AXDND1: variants seen among roughly 807,000 people sequenced by gnomAD.
AXDND1 encodes axonemal dynein light chain domain-containing protein 1.
A neutral mutation model predicts 137.5 loss-of-function variants in AXDND1; 110 were observed. That is an observed-to-expected ratio of 0.80 (90% CI 0.69 to 0.94). AXDND1 has a LOEUF of 0.94. Ranked by LOEUF, AXDND1 falls within the 40% of genes least tolerant of loss-of-function variation. The pLI, the probability that AXDND1 is intolerant of heterozygous loss-of-function variation, is 0.00. For synonymous variants in AXDND1, 414 were observed against 399.7 expected, an observed-to-expected ratio of 1.04 and a Z score of -0.43; for missense variants, 1,191 against 1,169.8, an observed-to-expected ratio of 1.02 and a Z score of -0.26.
At position 179,551,460 on chromosome 1, in the gene AXDND1, CAT is replaced by C. The variant is rs774075788; in HGVS notation, c.3032-3051_3032-3050del. The stretch of plus-strand genomic sequence containing the variant: ...GCTTCTGCAGCAATCATCTAGAAAA[CAT>C]GTGACGAAAGCAAAGTGATTGTTCT... On this transcript the variant is annotated intron_variant, in intron 25 of 25. Transcript: ENST00000367618. 63 of 1,612,634 alleles carry C rather than the reference CAT, an allele frequency of 3.9e-5. 1 individual carries two copies. The highest frequency in any genetic ancestry group is 2.9e-4 in the East Asian group (13 of 44,894).
intron 19 of AXDND1, 63 bp downstream of exon 19, chr1:179,491,800 GAC>G (rs1369077533): frequency 7.4e-7 from 1 of 1,357,656 alleles, no homozygotes; most frequent in African/African-American, 1.5e-5. Context: ...ACAGAGAAGA[GAC>G]AGTGAAGTAG....
intron 3 of AXDND1, among the ~76,000 whole-genome samples, chr1:179,369,604 A>T (rs559310772): frequency 1.0e-3 from 153 of 152,162 alleles, no homozygotes; most frequent in African/African-American, 3.6e-3. Flanking sequence ...GTGAGCCGAG[A>T]TTGCGCCATT....
chr1:179,406,706 T>C (rs1653028330), intron 11 of AXDND1, among the ~76,000 whole-genome samples: 1 of 152,100 alleles, frequency 6.6e-6, no homozygotes, highest in Admixed American at 6.6e-5. Context: ...CTGCATAGAG[T>C]GTCTTTTTCC....
At chr1:179,425,498 C>T (rs2125289895) in intron 12 of AXDND1, among the ~76,000 whole-genome samples, 1 of 152,240 alleles carries the variant, frequency 6.6e-6, no homozygotes, top group African/African-American at 2.4e-5. Flanking sequence ...TGCCTGTCCT[C>T]AGGCATATTT....
At chr1:179,458,475 A>C (rs1380105940) in intron 16 of AXDND1, among the ~76,000 whole-genome samples, 1 of 152,128 alleles carries the variant, frequency 6.6e-6, no homozygotes, top group Non-Finnish European at 1.5e-5. Context: ...ATTTTCTGTT[A>C]TTTATGACAG....
chr1:179,366,742 A>T, intron 2 of AXDND1, 136 bp downstream of exon 2: 1 of 686,416 alleles, frequency 1.5e-6, no homozygotes, highest in Admixed American at 2.6e-5. Flanking sequence ...TGCTTAAATA[A>T]AGCAAGAAGT....
At chr1:179,475,250 G>C (rs1234185573) in intron 17 of AXDND1, among the ~76,000 whole-genome samples, 1 of 152,252 alleles carries the variant, frequency 6.6e-6, no homozygotes, top group African/African-American at 2.4e-5. Context: ...GCCTAGTGGA[G>C]CTGTGAGAAG....
chr1:179,424,209 C>A (rs963102584), intron 12 of AXDND1, among the ~76,000 whole-genome samples: 1 of 152,006 alleles, frequency 6.6e-6, no homozygotes, highest in Admixed American at 6.6e-5. Context: ...TGTATGGTTT[C>A]CACTGAGAAG....
chr1:179,498,915 CA>C (rs34684958), intron 20 of AXDND1, among the ~76,000 whole-genome samples: 57,820 of 149,822 alleles, frequency 0.39, 11,629 homozygotes, highest in Middle Eastern at 0.48. Context: ...TATAAAAAGT[CA>C]AAAAAAAACA....
intron 12 of AXDND1, among the ~76,000 whole-genome samples, chr1:179,426,664 T>G (rs905874656): frequency 6.6e-6 from 1 of 152,232 alleles, no homozygotes; most frequent in Non-Finnish European, 1.5e-5. Context: ...TGCTTGTGAT[T>G]ACAAAAATAT....
chr1:179,409,342 T>A (rs1315710811), intron 11 of AXDND1, among the ~76,000 whole-genome samples: 5 of 152,146 alleles, frequency 3.3e-5, no homozygotes, highest in Admixed American at 3.3e-4. Flanking sequence ...TTCTAGGAGT[T>A]TTTTGGTGCC....
At chr1:179,538,237 T>C (rs1266415996) in intron 25 of AXDND1, among the ~76,000 whole-genome samples, 1 of 152,194 alleles carries the variant, frequency 6.6e-6, no homozygotes, top group Non-Finnish European at 1.5e-5. Flanking sequence ...CTGCTAGCTT[T>C]TGAATTTGTT....
chr1:179,521,311 C>A lies in AXDND1; in HGVS notation c.2497-4023C>A, dbSNP rs185917715. 8.7e-4 allele frequency among the ~76,000 whole-genome samples: 132 copies of A among 152,272 alleles called. 1 individual carries two copies. Among genetic ancestry groups the A allele is most frequent in the Non-Finnish European group, 1.6e-3 (112 of 68,014 alleles). ...TTCTCTTACTGTATTTCTCTCTCCT[C>A]CTCCTGCTGCTCTTCCTCTTACTGT... On this transcript the variant is annotated intron_variant, in intron 21 of 25. Coordinates refer to ENST00000367618, the MANE Select transcript of AXDND1 (RefSeq NM_144696.6).
Position 179,445,045 on chromosome 1 carries a change from C to T in AXDND1, c.1639C>T (p.His547Tyr). Residue 547 changes from histidine to tyrosine, a missense_variant, in exon 16 of 26, where the codon CAT becomes TAT. His to Tyr is a moderately conservative substitution (Grantham distance 83, BLOSUM62 2). Coordinates refer to ENST00000367618, the MANE Select transcript of AXDND1 (RefSeq NM_144696.6). ...SKYDTLKIIK[H>Y]LQENWADIGL... ...ATACGATACTCTCAAGATTATTAAA[C>T]ATTTACAGGAAAACTGGGCAGATAT... is the stretch of plus-strand genomic sequence containing the variant. 1 of 1,613,358 alleles carries T rather than the reference C, an allele frequency of 6.2e-7. No homozygotes were observed.
At position 179,554,041 on chromosome 1, in the gene AXDND1, T is replaced by C. The variant is rs368383915; in HGVS notation, c.3032-471T>C. Among the ~76,000 whole-genome samples the C allele has an allele frequency of 2.0e-5, 3 of 152,094 alleles. No individual in the cohort carries two copies. In the East Asian group the frequency reaches 5.8e-4, roughly 29 times the overall value. ...GATTCTTCTGCCTCAGCCTCCCTGG[T>C]AGCTGGGATTACAGGCATGTGCTAC... On this transcript the variant is annotated intron_variant, in intron 25 of 25. Transcript: ENST00000367618.
At chr1:179,456,497 A>G (rs1196684417) in intron 16 of AXDND1, 11 of 770,896 alleles carry the variant, frequency 1.4e-5, no homozygotes, top group Non-Finnish European at 2.4e-5. Flanking sequence ...CACTCCCACC[A>G]TAGCCACTGC....
At chr1:179,416,116 G>A (rs1312693037) in intron 12 of AXDND1, among the ~76,000 whole-genome samples, 1 of 151,916 alleles carries the variant, frequency 6.6e-6, no homozygotes, top group East Asian at 1.9e-4. Context: ...CCTGGCCTCT[G>A]GTAACCATGA....
intron 16 of AXDND1, among the ~76,000 whole-genome samples, chr1:179,467,258 C>T (rs1190320206): frequency 6.6e-6 from 1 of 152,096 alleles, no homozygotes; most frequent in Non-Finnish European, 1.5e-5. Context: ...TAAAACTGCA[C>T]TATGAAAGCT....
chr1:179,400,904 CAAAAAAAAAAAAA>C (rs151090012), intron 11 of AXDND1, among the ~76,000 whole-genome samples: 4 of 53,668 alleles, frequency 7.5e-5, no homozygotes, highest in Admixed American at 3.3e-4. Context: ...GACTCTGTCT[CAAAAAAAAAAAAA>C]AAAAAAAAAA....
Sources: gnomAD v4.1 joint callset for allele counts (sites outside exome capture counted in the v4.1 genomes callset) on GRCh38, gnomAD v4.1.1 for gene constraint, MANE v1.5 for transcripts, NCBI Gene and HGNC (gene_info 2026-07-23, HGNC 2026-07-21) for gene names.